The following TTC13 variants were observed in gnomAD, a reference collection of about 807,000 sequenced individuals.
TTC13 encodes tetratricopeptide repeat domain 13, also known as tetratricopeptide repeat protein 13.
A neutral mutation model predicts 120.0 loss-of-function variants in TTC13; 62 were observed. That is an observed-to-expected ratio of 0.52 (90% CI 0.42 to 0.64). The LOEUF (loss-of-function observed/expected upper bound fraction) is 0.64. TTC13 is among the 30% of genes least tolerant of loss of function. The pLI, the probability that TTC13 is intolerant of heterozygous loss-of-function variation, is 0.00. For synonymous variants in TTC13, 384 were observed against 393.5 expected, an observed-to-expected ratio of 0.98 and a Z score of 0.28; for missense variants, 824 against 1,050.2, an observed-to-expected ratio of 0.78 and a Z score of 2.98.
chr1:230,936,225 G>A (rs769084863), intron 8 of TTC13: 5 of 456,142 alleles, frequency 1.1e-5, no homozygotes, highest in African/African-American at 4.0e-5. Context: ...CTTTGGTTTC[G>A]GGGTTCCTGT....
At chr1:230,948,561 T>C (rs1245647860) in intron 4 of TTC13, among the ~76,000 whole-genome samples, 1 of 151,810 alleles carries the variant, frequency 6.6e-6, no homozygotes, top group Non-Finnish European at 1.5e-5. Context: ...GGTGCAAGCC[T>C]AGCTCACTAC....
intron 1 of TTC13, among the ~76,000 whole-genome samples, chr1:230,968,880 A>G (rs1335183372): frequency 6.6e-6 from 1 of 152,222 alleles, no homozygotes; most frequent in Admixed American, 6.5e-5. Context: ...TGTAGTTAAG[A>G]AAGTCCAGAG....
intron 1 of TTC13, among the ~76,000 whole-genome samples, chr1:230,963,898 G>A (rs931236617): frequency 2.0e-5 from 3 of 152,134 alleles, no homozygotes; most frequent in Non-Finnish European, 2.9e-5. Flanking sequence ...GAACCCCAAC[G>A]AAAGGCTTTA....
rs553673978 is a variant in TTC13 at position 230,949,839 on chromosome 1, C to T, written c.514-4385G>A. ...TTTGTTTTTGTATTTTTAGTAGAGA[C>T]GGGGTTTCACCATGTTAGCCAGGAT... On this transcript the variant is annotated intron_variant, in intron 4 of 22. Coordinates refer to ENST00000366661, the MANE Select transcript of TTC13 (RefSeq NM_024525.5). Among the ~76,000 whole-genome samples, 25 of 152,080 alleles carry T rather than the reference C, an allele frequency of 1.6e-4. No homozygotes were observed. In the East Asian group the frequency reaches 4.1e-3, roughly 25 times the overall value.
At chr1:230,953,563 C>T (rs566667127) in intron 4 of TTC13, among the ~76,000 whole-genome samples, 114 of 152,260 alleles carry the variant, frequency 7.5e-4, no homozygotes, top group Non-Finnish European at 1.1e-3. Flanking sequence ...TTATTATCTC[C>T]ATAACTCAGG....
intron 22 of TTC13, 43 bp from the exon 23 acceptor site, chr1:230,907,062 A>G: frequency 2.0e-6 from 2 of 1,004,952 alleles, no homozygotes; most frequent in East Asian, 2.8e-5. Context: ...AAATTAACAA[A>G]ATTTGCAAAA....
At chr1:230,936,590 G>A (rs56096216) in intron 8 of TTC13, 11,759 of 191,908 alleles carry the variant, frequency 0.061, 373 homozygotes, top group South Asian at 0.081. Context: ...TGTTTCCCTG[G>A]GAAGATCCAA....
chr1:230,907,634 T>C (rs7542185), intron 22 of TTC13, among the ~76,000 whole-genome samples: 76,029 of 151,848 alleles, frequency 0.5, 19,294 homozygotes, highest in Admixed American at 0.59. Flanking sequence ...CAGGACAAGG[T>C]GTAACTGTTA....
At position 230,914,185 on chromosome 1, in the gene TTC13, G is replaced by A. The variant is rs570103983; in HGVS notation, c.2094-1427C>T. 1.8e-3 allele frequency among the ~76,000 whole-genome samples: 279 copies of A among 152,182 alleles called. 1 individual carries two copies. Among genetic ancestry groups the A allele is most frequent in the South Asian group, 3.5e-3 (17 of 4,814 alleles). ...CACGTTTCAAGGGGAGAAATTTCAT[G>A]TACAGTTGACCCTTGAACAACATGG... is the stretch of plus-strand genomic sequence containing the variant. On this transcript the variant is annotated intron_variant, in intron 18 of 22. Transcript: ENST00000366661.
intron 1 of TTC13, among the ~76,000 whole-genome samples, chr1:230,974,798 A>G (rs1260411468): frequency 1.3e-5 from 2 of 152,344 alleles, no homozygotes; most frequent in South Asian, 2.1e-4. Flanking sequence ...TAGTTTTTCA[A>G]TGAAAGAACA....
At chr1:230,960,463 A>G (rs1024272140) in intron 2 of TTC13, among the ~76,000 whole-genome samples, 1 of 152,160 alleles carries the variant, frequency 6.6e-6, no homozygotes, top group Non-Finnish European at 1.5e-5. Flanking sequence ...AGTTTTCCAT[A>G]TATCAAGTTG....
chr1:230,951,374 T>TAA (rs1225960531), intron 4 of TTC13, among the ~76,000 whole-genome samples: 1 of 135,780 alleles, frequency 7.4e-6, no homozygotes. Flanking sequence ...ATGAGCTGTC[T>TAA]AAAAAAAAAA....
At chr1:230,908,667 C>G in intron 22 of TTC13, 45 bp downstream of exon 22, 2 of 1,525,276 alleles carry the variant, frequency 1.3e-6, no homozygotes, top group Non-Finnish European at 1.8e-6. Context: ...TCCTTTTCCT[C>G]CTCCAGTTAT....
In TTC13 at chr1:230,915,902, C is replaced by T. The variant is rs758272213; in HGVS notation, c.2093+291G>A. On this transcript the variant is annotated intron_variant, in intron 18 of 22. Transcript: ENST00000366661. ...TCATTTTATTAGTAAAAGCCTCCCT[C>T]GCCCCCCCAAGGAACTTCAAGAACC... Among the ~76,000 whole-genome samples, 362 of 78,752 alleles carry T rather than the reference C, an allele frequency of 4.6e-3. 1 individual carries two copies. The highest frequency in any genetic ancestry group is 8.3e-3 in the Non-Finnish European group (297 of 35,756). The allele number at this position is 78,752 out of a possible 152,430, so 51.7% of individuals were successfully genotyped here.
chr1:230,978,654 C>A lies in TTC13; in HGVS notation c.177G>T (p.Leu59=). 6.8e-7 allele frequency: 1 copy of A among 1,479,062 alleles called. No individual in the cohort carries two copies. Among genetic ancestry groups the A allele is most frequent in the East Asian group, 2.9e-5 (1 of 34,198 alleles). 91.6% of individuals were successfully genotyped at this position (1,479,062 alleles called of 1,614,324 possible). ...GGGCCTCCTGCTGCTGCCGGTGCTGCAGCTCCTGCTTGAGCAGGGAGAGCG... is the reference window on the plus strand; with the variant it reads ...GGGCCTCCTGCTGCTGCCGGTGCTGAAGCTCCTGCTTGAGCAGGGAGAGCG... ...YSPLSLLKQE[L]QHRQQQEAPA... is the part of the protein sequence containing the mutation. The change falls in exon 1 of 23, where the codon CTG becomes CTT. Residue 59 remains leucine, a synonymous_variant. Transcript: ENST00000366661. The surrounding 1 kb of genome is among the most constrained non-coding windows in gnomAD (Gnocchi z 5.6).
chr1:230,915,933 G>T (rs747823341), intron 18 of TTC13, among the ~76,000 whole-genome samples: 13 of 152,042 alleles, frequency 8.6e-5, no homozygotes, highest in Non-Finnish European at 1.9e-4. Flanking sequence ...GAACCCAGAA[G>T]AATGTCTCCC....
intron 5 of TTC13, 67 bp from the exon 6 acceptor site, chr1:230,943,965 A>G: frequency 9.2e-7 from 1 of 1,084,164 alleles, no homozygotes. Context: ...AAATTTTCTG[A>G]GAAAACTAAT....
At chr1:230,913,412 A>G (rs1671701137) in intron 18 of TTC13, among the ~76,000 whole-genome samples, 1 of 152,140 alleles carries the variant, frequency 6.6e-6, no homozygotes, top group Non-Finnish European at 1.5e-5. Flanking sequence ...CAGGCTGGAG[A>G]GCATTGGCAT....
chr1:230,952,173 C>T lies in TTC13; in HGVS notation c.513+2160G>A, dbSNP rs1244574331. On this transcript the variant is annotated intron_variant, in intron 4 of 22. Transcript: ENST00000366661. Reference sequence around the variant, plus strand: ...GTATAGAATCTTCGAATTTTCTATTCCTTATCAGTCATATGATACAAAGAA... The same window carrying T: ...GTATAGAATCTTCGAATTTTCTATTTCTTATCAGTCATATGATACAAAGAA... 2.0e-5 allele frequency among the ~76,000 whole-genome samples: 3 copies of T among 152,130 alleles called. No individual in the cohort carries two copies. In the East Asian group the frequency reaches 5.8e-4, roughly 29 times the overall value.
Sources: allele counts gnomAD v4.1 joint callset (sites outside exome capture counted in the v4.1 genomes callset), GRCh38; gene constraint gnomAD v4.1.1; non-coding constraint Gnocchi (gnomAD v3.1); transcripts MANE v1.5; gene names NCBI Gene and HGNC (gene_info 2026-07-23, HGNC 2026-07-21).